The following SRRM2 variants were observed in gnomAD, a reference collection of about 807,000 sequenced individuals.
The protein encoded by SRRM2 is serine/arginine repetitive matrix protein 2.
Under a neutral mutation model 213.8 loss-of-function variants are expected in SRRM2, and 30 were observed. The ratio of observed to expected loss-of-function variants is 0.14; its 90% confidence interval spans 0.10 to 0.19. SRRM2 has a LOEUF of 0.19. Ranked by LOEUF, SRRM2 falls within the 10% of genes least tolerant of loss-of-function variation. The probability of loss-of-function intolerance (pLI) is 1.00; values close to 1 mark genes in which losing one functional copy is unlikely to be tolerated. For missense variants in SRRM2, 4,904 were observed against 3,647.0 expected (o/e 1.34, Z -8.88); for synonymous variants, 2,025 against 1,377.7 (o/e 1.47, Z -10.40).
rs1376126222 is a variant in SRRM2 at position 2,764,403 on chromosome 16, C to G, written c.3875C>G (p.Ser1292Cys). The G allele has an allele frequency of 6.2e-6, 10 of 1,613,382 alleles. No individual in the cohort carries two copies. The highest frequency in any genetic ancestry group is 8.5e-6 in the Non-Finnish European group (10 of 1,179,852). Residue 1292 changes from serine (S) to cysteine (C), a missense_variant, in exon 11 of 15, where the codon TCT becomes TGT. By Grantham distance (112) the Ser-to-Cys change is moderately radical. Transcript: ENST00000301740. ...CTTGATCAGAGCCAGTCACAGGCTTCTTTGGAAGCAGTAGAAGTCCCTTCA... is the reference window on the plus strand; with the variant it reads ...CTTGATCAGAGCCAGTCACAGGCTTGTTTGGAAGCAGTAGAAGTCCCTTCA... Reference protein sequence around the residue: ...LTLDQSQSQASLEAVEVPSMA... With the variant: ...LTLDQSQSQACLEAVEVPSMA...
Position 2,770,375 on chromosome 16 carries a change from T to C in SRRM2, c.8045T>C (p.Ile2682Thr), listed in dbSNP as rs1422821523. 6.2e-7 allele frequency: 1 copy of C among 1,607,028 alleles called. No individual in the cohort carries two copies. Among genetic ancestry groups the C allele is most frequent in the Non-Finnish European group, 8.5e-7 (1 of 1,176,844 alleles). Reference sequence around the variant, plus strand: ...AGGTCCCGCAGCCCCCGGAAGCCAATAGACTCCCTCAGGGACTCTCGGTCC... The same window carrying C: ...AGGTCCCGCAGCCCCCGGAAGCCAACAGACTCCCTCAGGGACTCTCGGTCC... The part of the protein sequence containing the change: ...ERRSRSPRKP[I>T]DSLRDSRSLS... The change falls in exon 13 of 15, where the codon ATA becomes ACA. Residue 2682 changes from isoleucine (I) to threonine (T), a missense_variant. Transcript: ENST00000301740.
Position 2,770,868 on chromosome 16 carries a change from A to AT in SRRM2, c.*3dup. 9 of 1,613,850 alleles carry AT rather than the reference A, an allele frequency of 5.6e-6. No homozygotes were observed. The highest frequency in any genetic ancestry group is 7.6e-6 in the Non-Finnish European group (9 of 1,179,964). ...TATCTTCTCTTGCAGGTCTCCATAA[A>AT]TTGTCTTTGGGGGATTCCACCACAC... On this transcript the variant is annotated 3_prime_UTR_variant, in exon 15 of 15. Coordinates refer to ENST00000301740, the MANE Select transcript of SRRM2 (RefSeq NM_016333.4).
intron 1 of SRRM2, among the ~76,000 whole-genome samples, chr16:2,755,564 T>C (rs1555459222): frequency 6.6e-6 from 1 of 152,074 alleles, no homozygotes; most frequent in Non-Finnish European, 1.5e-5. Context: ...TAAATCCTAT[T>C]GAGAGGAAGG....
intron 2 of SRRM2, 57 bp downstream of exon 2, chr16:2,756,663 A>C: frequency 5.1e-6 from 8 of 1,555,532 alleles, no homozygotes; most frequent in Non-Finnish European, 6.1e-6. Flanking sequence ...TGGGGGTGTT[A>C]GGTGGGATGT....
chr16:2,763,929 A>C lies in SRRM2; in HGVS notation c.3401A>C (p.Glu1134Ala), dbSNP rs1438102953. The change falls in exon 11 of 15, where the codon GAG (glutamate) becomes GCG (alanine). Residue 1134 changes from glutamate (E) to alanine (A), a missense_variant. Physicochemically the swap from Glu to Ala is moderately radical, Grantham distance 107. Coordinates refer to ENST00000301740, the MANE Select transcript of SRRM2 (RefSeq NM_016333.4). ...SPMLKSGMSP[E>A]QSRFQSDSSS... is the part of the protein sequence containing the mutation. ...ATGTTGAAATCTGGAATGTCTCCTG[A>C]GCAGAGCAGGTTCCAGTCTGACTCT... is the stretch of plus-strand genomic sequence containing the variant. The C allele has an allele frequency of 6.2e-7, 1 of 1,614,212 alleles. No individual in the cohort carries two copies. Among genetic ancestry groups the C allele is most frequent in the Middle Eastern group, 1.6e-4 (1 of 6,062 alleles).
At position 2,766,392 on chromosome 16, in the gene SRRM2, G is replaced by A. The variant is rs1183948226; in HGVS notation, c.5864G>A (p.Arg1955His). The part of the protein sequence containing the change: ...RSRSRTPPVT[R>H]RRSRSRTPPV... Reference sequence around the variant, plus strand: ...CGTTCTAGAACTCCACCAGTGACTCGCAGAAGGTCCAGATCCAGGACTCCA... The same window carrying A: ...CGTTCTAGAACTCCACCAGTGACTCACAGAAGGTCCAGATCCAGGACTCCA... Residue 1955 changes from arginine to histidine, a missense_variant, in exon 11 of 15, where the codon CGC becomes CAC. Coordinates refer to ENST00000301740, the MANE Select transcript of SRRM2 (RefSeq NM_016333.4). This position sits in a 1 kb window ranked among gnomAD's most constrained non-coding sequence, Gnocchi z 7.0. The A allele has an allele frequency of 5.0e-6, 8 of 1,613,990 alleles. No individual in the cohort carries two copies. The highest frequency in any genetic ancestry group is 6.8e-6 in the Non-Finnish European group (8 of 1,180,022).
Position 2,768,227 on chromosome 16 carries a change from A to G in SRRM2, c.7699A>G (p.Ser2567Gly). Residue 2567 changes from serine (S) to glycine (G), a missense_variant, in exon 11 of 15, where the codon AGC becomes GGC. Transcript: ENST00000301740. Reference sequence around the variant, plus strand: ...CAGTTCTAGTGACTCAGAGGGCTCTAGCCTTCCTGTGCAACCTGAGGTGGC... The same window carrying G: ...CAGTTCTAGTGACTCAGAGGGCTCTGGCCTTCCTGTGCAACCTGAGGTGGC... ...GSSSSDSEGS[S>G]LPVQPEVALK... 6.3e-7 allele frequency: 1 copy of G among 1,577,950 alleles called. No individual in the cohort carries two copies. The highest frequency in any genetic ancestry group is 8.6e-7 in the Non-Finnish European group (1 of 1,162,792).
Position 2,764,481 on chromosome 16 carries a change from C to T in SRRM2, c.3953C>T (p.Ser1318Phe). 1.9e-6 allele frequency: 3 copies of T among 1,614,116 alleles called. No homozygotes were observed. The highest frequency in any genetic ancestry group is 2.5e-6 in the Non-Finnish European group (3 of 1,180,026). The change falls in exon 11 of 15, where the codon TCT becomes TTT. Residue 1318 changes from serine (S) to phenylalanine (F), a missense_variant. Coordinates refer to ENST00000301740, the MANE Select transcript of SRRM2 (RefSeq NM_016333.4). ...TTTTCTCCAGAACATAAAGAACTGT[C>T]TAACTCCCCACTCAGGGAGAACAGC... Reference protein sequence around the residue: ...PHFSPEHKELSNSPLRENSFG... With the variant: ...PHFSPEHKELFNSPLRENSFG...
intron 12 of SRRM2, 154 bp from the exon 13 acceptor site, chr16:2,770,198 G>A: frequency 1.4e-6 from 2 of 1,448,282 alleles, no homozygotes; most frequent in Non-Finnish European, 9.1e-7. Context: ...TGGATGGTGT[G>A]CGGGCGGATG....
chr16:2,753,036 A>ACCCCCCCCCCCTCCCC (rs5815132), intron 1 of SRRM2, among the ~76,000 whole-genome samples, 190 bp downstream of exon 1: 1 of 138,426 alleles, frequency 7.2e-6, no homozygotes, highest in Non-Finnish European at 1.6e-5. Context: ...CGCGGGCTTC[A>ACCCCCCCCCCCTCCCC]CCCCCCCCCG....
At chr16:2,753,768 G>A (rs1381036415) in intron 1 of SRRM2, 1 of 152,118 alleles carries the variant, frequency 6.6e-6, no homozygotes, top group Non-Finnish European at 1.5e-5. Context: ...TAAGTGCGTG[G>A]GCTTAGGGCT....
At position 2,757,873 on chromosome 16, in the gene SRRM2, G is replaced by A; in HGVS notation, c.443G>A (p.Gly148Asp). 6.2e-7 allele frequency: 1 copy of A among 1,614,136 alleles called. No homozygotes were observed. Among genetic ancestry groups the A allele is most frequent in the Non-Finnish European group, 8.5e-7 (1 of 1,180,028 alleles). ...AFGISDSYVD[G>D]SSFDPQRRAR... is the part of the protein sequence containing the mutation. Reference sequence around the variant, plus strand: ...GGCATCAGTGATTCTTACGTAGATGGCAGCTCTTTTGATCCTCAGCGTCGT... The same window carrying A: ...GGCATCAGTGATTCTTACGTAGATGACAGCTCTTTTGATCCTCAGCGTCGT... The change falls in exon 4 of 15, where the codon GGC (glycine) becomes GAC (aspartate). Residue 148 changes from glycine to aspartate, a missense_variant. Transcript: ENST00000301740.
chr16:2,752,703 G>C lies in SRRM2; in HGVS notation c.-175G>C, dbSNP rs1313958228. ...GCAGTTGGAGCCCGTTGCGGCCCCT[G>C]AGGAAGCGAGGAGGCGTCGGCGTCG... On this transcript the variant is annotated 5_prime_UTR_variant, in exon 1 of 15. Transcript: ENST00000301740. The C allele has an allele frequency of 2.9e-6, 1 of 343,388 alleles. No individual in the cohort carries two copies. The highest frequency in any genetic ancestry group is 3.8e-5 in the Admixed American group (1 of 26,024). The allele number at this position is 343,388 out of a possible 1,614,324, so 21.3% of individuals were successfully genotyped here. A position where few individuals can be genotyped will look rare whatever the true frequency, so the allele number is the denominator to read the frequency against.
chr16:2,757,796 C>G lies in SRRM2; in HGVS notation c.366C>G (p.His122Gln), dbSNP rs1438906020. 1.2e-6 allele frequency: 2 copies of G among 1,614,060 alleles called. No homozygotes were observed. Among genetic ancestry groups the G allele is most frequent in the South Asian group, 1.1e-5 (1 of 91,080 alleles). Reference protein sequence around the residue: ...PGQRPAVTETHQLAELNEKKN... With the variant: ...PGQRPAVTETQQLAELNEKKN... ...TTTTCTCTAGGGTCACGGAGACTCA[C>G]CAGTTGGCAGAATTAAATGAGAAGA... The change falls in exon 4 of 15, where the codon CAC (histidine) becomes CAG (glutamine). Residue 122 changes from histidine to glutamine, a missense_variant. Coordinates refer to ENST00000301740, the MANE Select transcript of SRRM2 (RefSeq NM_016333.4).
rs537484544 is a variant in SRRM2, at chr16:2,770,964, T to G, written c.*97T>G. ...GCCGTGGGAGGGTCCTTGTCTGCTC[T>G]CCTTTGAACCTTGGCAGCCCTTGGA... On this transcript the variant is annotated 3_prime_UTR_variant, in exon 15 of 15. Coordinates refer to ENST00000301740, the MANE Select transcript of SRRM2 (RefSeq NM_016333.4). 1 of 1,509,764 alleles carries G rather than the reference T, an allele frequency of 6.6e-7. No homozygotes were observed. 93.5% of individuals were successfully genotyped at this position (1,509,764 alleles called of 1,614,324 possible).
intron 1 of SRRM2, among the ~76,000 whole-genome samples, chr16:2,755,132 G>A (rs191510037): frequency 1.2e-3 from 188 of 152,296 alleles, no homozygotes; most frequent in African/African-American, 4.4e-3. Flanking sequence ...TCTTGGAGAG[G>A]ATGAGGGTGA....
Position 2,770,352 on chromosome 16 carries a change from G to A in SRRM2, c.8022G>A (p.Arg2674=). Residue 2674 remains arginine, a splice_region_variant and synonymous_variant, in exon 13 of 15, where the codon AGG becomes AGA. Transcript: ENST00000301740. ...SPKKPPPGER[R]SRSPRKPIDS... ...TATTGGGTCCTACTGTGTTCCCCAG[G>A]TCCCGCAGCCCCCGGAAGCCAATAG... 2 of 1,589,330 alleles carry A rather than the reference G, an allele frequency of 1.3e-6. No homozygotes were observed. Among genetic ancestry groups the A allele is most frequent in the Non-Finnish European group, 1.7e-6 (2 of 1,167,684 alleles).
At chr16:2,769,829 C>T in intron 12 of SRRM2, 1 of 465,666 alleles carries the variant, frequency 2.1e-6, no homozygotes, top group South Asian at 1.5e-5. Context: ...GTGTTCTCCT[C>T]CTGCCCGCCC....
intron 1 of SRRM2, among the ~76,000 whole-genome samples, chr16:2,755,811 G>C (rs1460667656): frequency 2.0e-5 from 3 of 152,198 alleles, no homozygotes; most frequent in African/African-American, 7.2e-5. Flanking sequence ...AGGGTGGTCT[G>C]AAATCCTTAG....
Sources: allele counts gnomAD v4.1 joint callset (sites outside exome capture counted in the v4.1 genomes callset), GRCh38; gene constraint gnomAD v4.1.1; non-coding constraint Gnocchi (gnomAD v3.1); transcripts MANE v1.5; gene names NCBI Gene and HGNC (gene_info 2026-07-23, HGNC 2026-07-21).